DPYD: variants seen among roughly 807,000 people sequenced by gnomAD.
The protein encoded by DPYD is dihydropyrimidine dehydrogenase, also known as dihydropyrimidine dehydrogenase [NADP(+)].
A neutral mutation model predicts 116.2 loss-of-function variants in DPYD; 109 were observed. The ratio of observed to expected loss-of-function variants is 0.94; its 90% CI spans 0.80 to 1.10. The LOEUF is 1.10. Ranked by LOEUF, DPYD falls within the 50% of genes least tolerant of loss-of-function variation. DPYD has a pLI of 0.00. For synonymous variants in DPYD, 440 were observed against 432.0 expected, an observed-to-expected ratio of 1.02 and a Z score of -0.23; for missense variants, 1,302 against 1,254.5, an observed-to-expected ratio of 1.04 and a Z score of -0.57.
At chr1:97,175,612 G>C (rs1020241482) in intron 20 of DPYD, among the ~76,000 whole-genome samples, 62 of 152,146 alleles carry the variant, frequency 4.1e-4, no homozygotes, top group African/African-American at 1.4e-3. Flanking sequence ...AAGCGATAAA[G>C]GAAGAATAAG....
intron 16 of DPYD, among the ~76,000 whole-genome samples, chr1:97,358,556 C>T (rs766755153): frequency 4.6e-5 from 7 of 152,226 alleles, no homozygotes; most frequent in South Asian, 2.1e-4. Context: ...CAGTAGGGGC[C>T]GACAGACACC....
chr1:97,772,249 T>C (rs567556758), intron 3 of DPYD, among the ~76,000 whole-genome samples: 2 of 152,302 alleles, frequency 1.3e-5, no homozygotes, highest in African/African-American at 2.4e-5. Flanking sequence ...GTGTCCTCCA[T>C]AGTCTTAGGC....
chr1:97,909,401 A>G (rs914421392), intron 1 of DPYD, among the ~76,000 whole-genome samples: 2 of 152,036 alleles, frequency 1.3e-5, no homozygotes, highest in East Asian at 1.9e-4. Context: ...TTCCCTTAAT[A>G]TATGTACCTG....
At chr1:97,533,644 C>G (rs1468710364) in intron 12 of DPYD, among the ~76,000 whole-genome samples, 3 of 152,096 alleles carry the variant, frequency 2.0e-5, no homozygotes, top group African/African-American at 4.8e-5. Context: ...ACATTTAAGA[C>G]AGGTGACAGC....
intron 19 of DPYD, among the ~76,000 whole-genome samples, chr1:97,199,448 A>G (rs1234546955): frequency 6.6e-6 from 1 of 152,174 alleles, no homozygotes; most frequent in Non-Finnish European, 1.5e-5. Context: ...AAGGCAACAT[A>G]CTTAAGTGCT....
At chr1:97,241,255 G>A (rs1473908719) in intron 18 of DPYD, among the ~76,000 whole-genome samples, 1 of 151,854 alleles carries the variant, frequency 6.6e-6, no homozygotes, top group African/African-American at 2.4e-5. Context: ...TCACCAAAGA[G>A]GGCCATTCTC....
intron 2 of DPYD, among the ~76,000 whole-genome samples, chr1:97,870,376 G>A (rs1348377716): frequency 6.6e-6 from 1 of 151,806 alleles, no homozygotes; most frequent in African/African-American, 2.4e-5. Flanking sequence ...ATGCAGTTAG[G>A]ATGTGTGGAT....
intron 2 of DPYD, among the ~76,000 whole-genome samples, chr1:97,832,216 C>T (rs1669575241): frequency 6.6e-6 from 1 of 151,968 alleles, no homozygotes; most frequent in African/African-American, 2.4e-5. Flanking sequence ...GAAACAACCA[C>T]AGGGGAGATT....
intron 1 of DPYD, among the ~76,000 whole-genome samples, chr1:97,911,741 G>C (rs1008767535): frequency 8.5e-5 from 13 of 152,070 alleles, no homozygotes; most frequent in Non-Finnish European, 1.8e-4. Context: ...GGGTGAGAAG[G>C]CTGGGATAAT....
intron 7 of DPYD, among the ~76,000 whole-genome samples, 181 bp from the exon 8 acceptor site, chr1:97,679,363 C>T (rs1235015879): frequency 6.6e-6 from 1 of 152,040 alleles, no homozygotes; most frequent in East Asian, 1.9e-4. Flanking sequence ...ATAAATAGAA[C>T]AGGAACATGT....
intron 13 of DPYD, among the ~76,000 whole-genome samples, chr1:97,495,658 T>C (rs185165555): frequency 1.3e-4 from 20 of 152,128 alleles, no homozygotes; most frequent in Non-Finnish European, 4.4e-5. Context: ...ATTATCATTA[T>C]TATTAAGATT....
intron 20 of DPYD, among the ~76,000 whole-genome samples, chr1:97,152,470 A>ACT (rs1553223925): frequency 1.2e-4 from 18 of 150,774 alleles, no homozygotes; most frequent in African/African-American, 4.4e-4. Context: ...ACACACACAC[A>ACT]CTTACATAAA....
chr1:97,113,132 C>A (rs1486371800), intron 20 of DPYD, among the ~76,000 whole-genome samples: 2 of 152,068 alleles, frequency 1.3e-5, no homozygotes, highest in African/African-American at 4.8e-5. Context: ...TATGTGTGTG[C>A]CTACTGTGCA....
chr1:97,209,763 ATAT>A (rs1659913449), intron 19 of DPYD, among the ~76,000 whole-genome samples: 1 of 152,166 alleles, frequency 6.6e-6, no homozygotes, highest in South Asian at 2.1e-4. Context: ...AATATGCTAA[ATAT>A]TATAATATCT....
intron 8 of DPYD, among the ~76,000 whole-genome samples, chr1:97,615,521 C>G (rs1656211712): frequency 6.6e-6 from 1 of 152,142 alleles, no homozygotes; most frequent in Non-Finnish European, 1.5e-5. Context: ...CTCCATCAAA[C>G]TTCATTTCTA....
chr1:97,362,538 C>A (rs1670790880), intron 16 of DPYD, among the ~76,000 whole-genome samples: 2 of 152,132 alleles, frequency 1.3e-5, no homozygotes, highest in Admixed American at 1.3e-4. Flanking sequence ...CATCACACTA[C>A]CTGACTTCAA....
Position 97,721,482 on chromosome 1 carries a change from G to A in DPYD, c.483+28C>T, listed in dbSNP as rs757914116. ...TATTTGTGCATGGTGATGGTAGTGG[G>A]GGGATGTCACGTGTATATCATACAT... is the stretch of plus-strand genomic sequence containing the variant. On this transcript the variant is annotated intron_variant, in intron 5 of 22. Transcript: ENST00000370192. 10 of 1,609,586 alleles carry A rather than the reference G, an allele frequency of 6.2e-6. No individual in the cohort carries two copies. In the African/African-American group the frequency reaches 1.1e-4, roughly 17 times the overall value.
chr1:97,806,216 T>C (rs1668072946), intron 3 of DPYD, among the ~76,000 whole-genome samples: 2 of 151,892 alleles, frequency 1.3e-5, no homozygotes, highest in South Asian at 4.1e-4. Flanking sequence ...AAATATAATC[T>C]TACACATTTT....
At chr1:97,388,561 T>C (rs1278405252) in intron 14 of DPYD, among the ~76,000 whole-genome samples, 3 of 152,120 alleles carry the variant, frequency 2.0e-5, no homozygotes, top group Non-Finnish European at 2.9e-5. Context: ...TCTGAAAGTC[T>C]GTGTCAAAGA....
Sources: gnomAD v4.1 joint callset for allele counts (sites outside exome capture counted in the v4.1 genomes callset) on GRCh38, gnomAD v4.1.1 for gene constraint, MANE v1.5 for transcripts, NCBI Gene and HGNC (gene_info 2026-07-23, HGNC 2026-07-21) for gene names.